PLA2G2D: variants seen among roughly 807,000 people sequenced by gnomAD.
PLA2G2D encodes the protein phospholipase A2 group IID.
A neutral mutation model predicts 13.9 loss-of-function variants in PLA2G2D; 17 were observed. The observed-to-expected ratio is 1.23, with a 90% CI of 0.84 to 1.84. The LOEUF (loss-of-function observed/expected upper bound fraction) is 1.84, where lower values mean the gene tolerates loss of function less well. PLA2G2D is among the 40% of genes most tolerant of loss of function. The pLI is 0.00. For missense variants in PLA2G2D, 194 were observed against 178.7 expected (o/e 1.09, Z -0.49); for synonymous variants, 83 against 69.3 (o/e 1.20, Z -0.98).
intron 1 of PLA2G2D, among the ~76,000 whole-genome samples, chr1:20,119,055 G>C (rs2017039951): frequency 6.6e-6 from 1 of 152,114 alleles, no homozygotes; most frequent in Admixed American, 6.6e-5. Flanking sequence ...CTCTTCCCAG[G>C]TTCAAGGCAG....
chr1:20,114,116 A>G lies in PLA2G2D; in HGVS notation c.436T>C (p.Ter146GlnextTer21). The change falls in exon 4 of 4, where the codon TAG becomes CAG. Residue 146 changes from the stop codon to glutamine, a stop_lost. Coordinates refer to ENST00000375105, the MANE Select transcript of PLA2G2D (RefSeq NM_012400.4). ...PHCRGQTPGC[*>Q] ...AACAGGGTAGAGGGTGTGGGCTTCT[A>G]GCACCCAGGGGTCTGCCCCCGGCAG... 1 of 1,612,540 alleles carries G rather than the reference A, an allele frequency of 6.2e-7. No individual in the cohort carries two copies. Among genetic ancestry groups the G allele is most frequent in the Non-Finnish European group, 8.5e-7 (1 of 1,179,694 alleles).
chr1:20,116,216 T>C (rs893690377), intron 2 of PLA2G2D, 117 bp downstream of exon 2: 3 of 1,071,422 alleles, frequency 2.8e-6, no homozygotes, highest in Middle Eastern at 2.1e-4. Flanking sequence ...ATTTAGCACA[T>C]AGTAGATGCT....
chr1:20,118,168 G>A (rs1463350984), intron 1 of PLA2G2D, among the ~76,000 whole-genome samples: 1 of 152,072 alleles, frequency 6.6e-6, no homozygotes, highest in Non-Finnish European at 1.5e-5. Context: ...CCAGAGCCCC[G>A]CGTTCAGAAT....
Position 20,112,229 on chromosome 1 carries a change from AGT to A in PLA2G2D, c.*1883_*1884del, listed in dbSNP as rs1173729621. ...TGATCTGCCTGCCTCAGCCACCCTA[AGT>A]GTTGGGATTACAGGCATGAGCCACC... is the stretch of plus-strand genomic sequence containing the variant. On this transcript the variant is annotated 3_prime_UTR_variant, in exon 4 of 4. Transcript: ENST00000375105. The A allele has an allele frequency of 6.6e-6, 1 of 152,092 alleles. No individual in the cohort carries two copies. The highest frequency in any genetic ancestry group is 2.4e-5 in the African/African-American group (1 of 41,370). The allele number at this position is 152,092 out of a possible 1,614,324, so 9.4% of individuals were successfully genotyped here.
chr1:20,114,654 G>A (rs374107147), intron 3 of PLA2G2D, among the ~76,000 whole-genome samples: 1 of 152,180 alleles, frequency 6.6e-6, no homozygotes, highest in African/African-American at 2.4e-5. Context: ...GAGATCGGAA[G>A]GGTCTGCTCT....
chr1:20,114,044 G>T lies in PLA2G2D; in HGVS notation c.*70C>A. 14 of 1,471,004 alleles carry T rather than the reference G, an allele frequency of 9.5e-6. No individual in the cohort carries two copies. The highest frequency in any genetic ancestry group is 1.3e-5 in the Non-Finnish European group (14 of 1,073,104). 91.1% of individuals were successfully genotyped at this position (1,471,004 alleles called of 1,614,324 possible). A position where few individuals can be genotyped will look rare whatever the true frequency, so the allele number is the denominator to read the frequency against. ...CCGGAGTGTTTGAAAAGCCAGGCTG[G>T]TTCAGGTTAGATACTGAGGTGGGGA... On this transcript the variant is annotated 3_prime_UTR_variant, in exon 4 of 4. Transcript: ENST00000375105.
Position 20,113,930 on chromosome 1 carries a change from C to G in PLA2G2D, c.*184G>C. Reference sequence around the variant, plus strand: ...TCCCATCCACCCTCAGAGGACACAGCTACTGCCTCAACTGGGAGGATTCGG... The same window carrying G: ...TCCCATCCACCCTCAGAGGACACAGGTACTGCCTCAACTGGGAGGATTCGG... On this transcript the variant is annotated 3_prime_UTR_variant, in exon 4 of 4. Coordinates refer to ENST00000375105, the MANE Select transcript of PLA2G2D (RefSeq NM_012400.4). 1.9e-6 allele frequency: 1 copy of G among 536,392 alleles called. No individual in the cohort carries two copies. The highest frequency in any genetic ancestry group is 3.4e-6 in the Non-Finnish European group (1 of 296,732). 33.2% of individuals were successfully genotyped at this position (536,392 alleles called of 1,614,324 possible). A position where few individuals can be genotyped will look rare whatever the true frequency, so the allele number is the denominator to read the frequency against.
At chr1:20,114,632 G>C (rs2016947164) in intron 3 of PLA2G2D, among the ~76,000 whole-genome samples, 1 of 152,168 alleles carries the variant, frequency 6.6e-6, no homozygotes, top group Non-Finnish European at 1.5e-5. Flanking sequence ...GGGTGGAAGA[G>C]CCTTTTGAGC....
chr1:20,119,166 A>G (rs559527657), intron 1 of PLA2G2D, among the ~76,000 whole-genome samples: 52 of 152,246 alleles, frequency 3.4e-4, no homozygotes, highest in African/African-American at 1.2e-3. Context: ...CCTGTGTCCA[A>G]AGCGTCATCA....
At chr1:20,115,086 C>T (rs764046379) in intron 3 of PLA2G2D, among the ~76,000 whole-genome samples, 6 of 152,186 alleles carry the variant, frequency 3.9e-5, no homozygotes, top group Admixed American at 1.3e-4. Context: ...AGGGTTTTGC[C>T]GATCCTCGAC....
At chr1:20,119,154 G>A (rs905180445) in intron 1 of PLA2G2D, among the ~76,000 whole-genome samples, 7 of 152,192 alleles carry the variant, frequency 4.6e-5, no homozygotes, top group African/African-American at 1.7e-4. Context: ...GGGGTGAAGT[G>A]ACCTGTGTCC....
intron 1 of PLA2G2D, among the ~76,000 whole-genome samples, chr1:20,116,986 G>A (rs903086840): frequency 6.6e-6 from 1 of 151,976 alleles, no homozygotes; most frequent in Non-Finnish European, 1.5e-5. Flanking sequence ...CAATTACTGA[G>A]TGCTTACTAT....
intron 3 of PLA2G2D, among the ~76,000 whole-genome samples, chr1:20,114,505 AGGACTGAACGATAG>A (rs1481633119): frequency 1.3e-5 from 2 of 152,162 alleles, no homozygotes; most frequent in Non-Finnish European, 2.9e-5. Context: ...ACGGCAGGAG[AGGACTGAACGATAG>A]GGACATGAGA....
At chr1:20,114,723 C>T (rs1268671732) in intron 3 of PLA2G2D, among the ~76,000 whole-genome samples, 2 of 152,004 alleles carry the variant, frequency 1.3e-5, no homozygotes, top group Non-Finnish European at 1.5e-5. Context: ...CAAAGACTCC[C>T]GGGCAGGAGG....
In PLA2G2D at chr1:20,114,208, A is replaced by T. The variant is rs1248807366; in HGVS notation, c.344T>A (p.Val115Glu). ...EQQLCACDKE[V>E]AFCLKRNLDT... ...CAGGTTGCGCTTCAGGCAGAAGGCC[A>T]CCTCCTTGTCACAGGCACACAGCTG... Residue 115 changes from valine (V) to glutamate (E), a missense_variant, in exon 4 of 4, where the codon GTG becomes GAG. Physicochemically the swap from Val to Glu is moderately radical, Grantham distance 121 (BLOSUM62 -2). Coordinates refer to ENST00000375105, the MANE Select transcript of PLA2G2D (RefSeq NM_012400.4). The T allele has an allele frequency of 1.4e-5, 22 of 1,613,822 alleles. No individual in the cohort carries two copies. The highest frequency in any genetic ancestry group is 1.8e-5 in the Non-Finnish European group (21 of 1,179,944).
In PLA2G2D at chr1:20,114,174, G is replaced by A. The variant is rs1301293140; in HGVS notation, c.378C>T (p.Tyr126=). The A allele has an allele frequency of 3.1e-6, 5 of 1,614,040 alleles. No homozygotes were observed. Among genetic ancestry groups the A allele is most frequent in the Non-Finnish European group, 4.2e-6 (5 of 1,179,978 alleles). Residue 126 remains tyrosine (Y), a synonymous_variant, in exon 4 of 4, where the codon TAC becomes TAT. Coordinates refer to ENST00000375105, the MANE Select transcript of PLA2G2D (RefSeq NM_012400.4). ...AFCLKRNLDT[Y]QKRLRFYWRP... is the part of the protein sequence containing the mutation. Reference sequence around the variant, plus strand: ...GCCAGTAGAAACGCAGTCGCTTCTGGTAGGTGTCCAGGTTGCGCTTCAGGC... The same window carrying A: ...GCCAGTAGAAACGCAGTCGCTTCTGATAGGTGTCCAGGTTGCGCTTCAGGC...
At chr1:20,116,277 G>A in intron 2 of PLA2G2D, 56 bp downstream of exon 2, 1 of 1,545,810 alleles carries the variant, frequency 6.5e-7, no homozygotes, top group Non-Finnish European at 8.9e-7. Context: ...GGAGAGAAAA[G>A]AAGAGTACCG....
Position 20,113,855 on chromosome 1 carries a change from G to T in PLA2G2D, c.*259C>A. 2 of 401,204 alleles carry T rather than the reference G, an allele frequency of 5.0e-6. No homozygotes were observed. Among genetic ancestry groups the T allele is most frequent in the Non-Finnish European group, 4.5e-6 (1 of 223,620 alleles). The allele number at this position is 401,204 out of a possible 1,614,324, so 24.9% of individuals were successfully genotyped here. On this transcript the variant is annotated 3_prime_UTR_variant, in exon 4 of 4. Transcript: ENST00000375105. ...GACCCCTCCCCCACCCCGATGCTTT[G>T]GTCCAAACACCACCTCTGAGGGCTC...
At chr1:20,119,053 A>G (rs1178994774) in intron 1 of PLA2G2D, among the ~76,000 whole-genome samples, 4 of 151,926 alleles carry the variant, frequency 2.6e-5, no homozygotes, top group African/African-American at 9.7e-5. Context: ...CCCTCTTCCC[A>G]GGTTCAAGGC....
Sources: allele counts gnomAD v4.1 joint callset (sites outside exome capture counted in the v4.1 genomes callset), GRCh38; gene constraint gnomAD v4.1.1; transcripts MANE v1.5; gene names NCBI Gene and HGNC (gene_info 2026-07-23, HGNC 2026-07-21).